SUGCT: variants seen among roughly 807,000 people sequenced by gnomAD.
The protein encoded by SUGCT is succinyl-CoA:glutarate CoA-transferase.
SUGCT carries 41 observed loss-of-function variants against 55.0 expected under a neutral mutation model. The ratio of observed to expected loss-of-function variants is 0.74; its 90% CI spans 0.58 to 0.97. The LOEUF is 0.97. SUGCT is among the 50% of genes least tolerant of loss of function. The pLI, the probability that SUGCT is intolerant of heterozygous loss-of-function variation, is 0.00. For missense variants in SUGCT, 568 were observed against 547.8 expected, an observed-to-expected ratio of 1.04 and a Z score of -0.37; for synonymous variants, 187 against 200.4, an observed-to-expected ratio of 0.93 and a Z score of 0.56.
At chr7:40,173,913 C>CTGTGTGTGTGTG (rs34789334) in intron 1 of SUGCT, among the ~76,000 whole-genome samples, 2 of 144,020 alleles carry the variant, frequency 1.4e-5, no homozygotes, top group African/African-American at 5.1e-5. Flanking sequence ...AATGTATATC[C>CTGTGTGTGTGTG]TGTGTGTGTG....
chr7:40,518,661 T>C (rs1793374956), intron 12 of SUGCT, among the ~76,000 whole-genome samples: 1 of 152,108 alleles, frequency 6.6e-6, no homozygotes. Context: ...TTCCAAATAT[T>C]CTTTTCCTAT....
chr7:40,430,415 T>C (rs1787831128), intron 9 of SUGCT, among the ~76,000 whole-genome samples: 1 of 152,206 alleles, frequency 6.6e-6, no homozygotes, highest in Non-Finnish European at 1.5e-5. Context: ...TTCCTGATGA[T>C]TAATGTTTTT....
At chr7:40,179,553 G>T (rs1355722691) in intron 1 of SUGCT, among the ~76,000 whole-genome samples, 1 of 152,226 alleles carries the variant, frequency 6.6e-6, no homozygotes, top group Non-Finnish European at 1.5e-5. Context: ...AAAGTGCTGG[G>T]ATTACAGGCG....
At chr7:40,222,135 C>T (rs1788055604) in intron 6 of SUGCT, among the ~76,000 whole-genome samples, 1 of 152,200 alleles carries the variant, frequency 6.6e-6, no homozygotes, top group South Asian at 2.1e-4. Context: ...GTGACTGGGG[C>T]TGAGGAGGGA....
At chr7:40,817,850 A>G (rs1039726402) in intron 13 of SUGCT, among the ~76,000 whole-genome samples, 1 of 152,208 alleles carries the variant, frequency 6.6e-6, no homozygotes, top group Non-Finnish European at 1.5e-5. Context: ...GTTGTATTAC[A>G]TAAGCCGAGA....
At chr7:40,163,356 A>G (rs918170882) in intron 1 of SUGCT, among the ~76,000 whole-genome samples, 1 of 152,160 alleles carries the variant, frequency 6.6e-6, no homozygotes, top group Non-Finnish European at 1.5e-5. Flanking sequence ...CTGTAATCCC[A>G]GCACTTTGGG....
chr7:40,360,186 G>T (rs1469458927), intron 9 of SUGCT, among the ~76,000 whole-genome samples: 2 of 152,128 alleles, frequency 1.3e-5, no homozygotes, highest in African/African-American at 4.8e-5. Flanking sequence ...GCTAATTTTT[G>T]TATTTTTAGT....
At chr7:40,945,826 T>C in the SUGCT span, among the ~76,000 whole-genome samples, 2 of 152,002 alleles carry the variant, frequency 1.3e-5, no homozygotes, top group Non-Finnish European at 2.9e-5. Flanking sequence ...AGCCACCCAG[T>C]GGGGCTGCCA....
At chr7:40,793,532 A>C (rs113707588) in intron 13 of SUGCT, among the ~76,000 whole-genome samples, 1 of 152,030 alleles carries the variant, frequency 6.6e-6, no homozygotes, top group Non-Finnish European at 1.5e-5. Context: ...TTCGACTTTT[A>C]AATTTAAATT....
At chr7:40,525,463 G>C (rs1793746991) in intron 12 of SUGCT, among the ~76,000 whole-genome samples, 4 of 152,114 alleles carry the variant, frequency 2.6e-5, no homozygotes, top group Admixed American at 2.6e-4. Context: ...GTCTGTATTT[G>C]ACAGTGGTGT....
chr7:40,895,990 G>A, the SUGCT span, among the ~76,000 whole-genome samples: 2 of 152,122 alleles, frequency 1.3e-5, no homozygotes, highest in Non-Finnish European at 2.9e-5. Flanking sequence ...AGTACTAGAA[G>A]CCCTAGCCAG....
chr7:40,936,969 T>C, the SUGCT span, among the ~76,000 whole-genome samples: 1 of 152,206 alleles, frequency 6.6e-6, no homozygotes, highest in African/African-American at 2.4e-5. Context: ...CAATTCTTTG[T>C]ATGATTTGAA....
chr7:40,760,360 C>G (rs1300733678), intron 13 of SUGCT, among the ~76,000 whole-genome samples: 2 of 152,048 alleles, frequency 1.3e-5, no homozygotes, highest in Non-Finnish European at 2.9e-5. Flanking sequence ...ACAAATACTG[C>G]GTGATTCCAT....
At chr7:40,819,364 A>T (rs1791854062) in intron 13 of SUGCT, among the ~76,000 whole-genome samples, 1 of 152,210 alleles carries the variant, frequency 6.6e-6, no homozygotes, top group Non-Finnish European at 1.5e-5. Context: ...ACCAGTTTAC[A>T]GTCCCACCAA....
intron 11 of SUGCT, among the ~76,000 whole-genome samples, chr7:40,481,334 C>G (rs577596306): frequency 2.7e-4 from 41 of 151,192 alleles, no homozygotes; most frequent in African/African-American, 9.7e-4. Context: ...TGAGACCCTA[C>G]CTCAAGAAAA....
intron 12 of SUGCT, among the ~76,000 whole-genome samples, chr7:40,676,894 C>CGTGTGTGTGTGTGTGT (rs3221667): frequency 4.2e-5 from 6 of 144,054 alleles, no homozygotes; most frequent in African/African-American, 1.5e-4. Context: ...TTCAGAATGA[C>CGTGTGTGTGTGTGTGT]GTGTGTGTGT....
At chr7:40,488,409 C>G (rs1370598251) in intron 11 of SUGCT, among the ~76,000 whole-genome samples, 1 of 152,110 alleles carries the variant, frequency 6.6e-6, no homozygotes, top group Non-Finnish European at 1.5e-5. Flanking sequence ...TCACAACATT[C>G]ATCACATTAC....
chr7:40,817,346 G>A (rs1368227355), intron 13 of SUGCT, among the ~76,000 whole-genome samples: 2 of 152,108 alleles, frequency 1.3e-5, no homozygotes, highest in Non-Finnish European at 2.9e-5. Context: ...ACACAGAGCA[G>A]GAACACCCAA....
the SUGCT span, among the ~76,000 whole-genome samples, chr7:40,974,498 C>T: frequency 2.0e-5 from 3 of 152,262 alleles, no homozygotes; most frequent in Non-Finnish European, 2.9e-5. Flanking sequence ...CAAGAGCCCT[C>T]GGCAGAAACC....
Sources: gnomAD v4.1 joint callset for allele counts (sites outside exome capture counted in the v4.1 genomes callset) on GRCh38, gnomAD v4.1.1 for gene constraint, MANE v1.5 for transcripts, NCBI Gene and HGNC (gene_info 2026-07-23, HGNC 2026-07-21) for gene names.